The following OR14I1 variants were observed in gnomAD, a reference collection of about 807,000 sequenced individuals.
OR14I1 encodes the protein olfactory receptor 14I1.
For missense variants in OR14I1, 279 were observed against 181.8 expected (o/e 1.53, Z -3.07); for synonymous variants, 118 against 71.1 (o/e 1.66, Z -3.32).
At chr1:248,701,406 A>C in the OR14I1 span, among the ~76,000 whole-genome samples, 1 of 152,162 alleles carries the variant, frequency 6.6e-6, no homozygotes, top group Admixed American at 6.5e-5. Flanking sequence ...CATCCACCTC[A>C]GTCTCCCAAA....
chr1:248,689,094 A>G, the OR14I1 span, among the ~76,000 whole-genome samples: 1 of 152,164 alleles, frequency 6.6e-6, no homozygotes, highest in Non-Finnish European at 1.5e-5. Context: ...GCGGTCCTTT[A>G]CTTTTGAGGC....
chr1:248,692,283 C>T, the OR14I1 span: 1 of 152,906 alleles, frequency 6.5e-6, no homozygotes, highest in Non-Finnish European at 1.5e-5. Flanking sequence ...TCCCGCATTC[C>T]CAGGTTCCTG....
upstream of OR14I1, among the ~76,000 whole-genome samples, chr1:248,685,021 T>C (rs926808751): frequency 6.6e-6 from 1 of 152,120 alleles, no homozygotes; most frequent in Admixed American, 6.5e-5. Flanking sequence ...TTTTTAATAT[T>C]ATTTATACAT....
At chr1:248,691,087 C>G in the OR14I1 span, among the ~76,000 whole-genome samples, 1 of 152,142 alleles carries the variant, frequency 6.6e-6, no homozygotes, top group East Asian at 1.9e-4. Flanking sequence ...TCCATTTATC[C>G]CTTGATGGAT....
the OR14I1 span, among the ~76,000 whole-genome samples, chr1:248,699,891 G>A: frequency 6.6e-6 from 1 of 152,166 alleles, no homozygotes; most frequent in Admixed American, 6.5e-5. Context: ...CCAAGTAGCT[G>A]GGACTACAGG....
the OR14I1 span, among the ~76,000 whole-genome samples, chr1:248,689,736 C>T: frequency 6.6e-6 from 1 of 152,172 alleles, no homozygotes; most frequent in East Asian, 1.9e-4. Flanking sequence ...ACCTAATAGA[C>T]GTCTACAGAA....
At chr1:248,699,428 T>C in the OR14I1 span, among the ~76,000 whole-genome samples, 1 of 152,206 alleles carries the variant, frequency 6.6e-6, no homozygotes, top group African/African-American at 2.4e-5. Context: ...ATTGGGATTT[T>C]AGATGGACTT....
the OR14I1 span, among the ~76,000 whole-genome samples, chr1:248,698,185 T>C: frequency 5.9e-5 from 9 of 152,236 alleles, no homozygotes; most frequent in Non-Finnish European, 1.0e-4. Context: ...TGGATTCTTA[T>C]GTTTCTACTT....
At chr1:248,694,792 G>C in the OR14I1 span, among the ~76,000 whole-genome samples, 2 of 152,176 alleles carry the variant, frequency 1.3e-5, no homozygotes, top group African/African-American at 2.4e-5. Context: ...TTCTCAAAAA[G>C]AAGTATTACT....
upstream of OR14I1, among the ~76,000 whole-genome samples, chr1:248,682,760 C>T (rs1487757249): frequency 6.6e-6 from 1 of 152,098 alleles, no homozygotes; most frequent in African/African-American, 2.4e-5. Flanking sequence ...GGTTATACAT[C>T]CTGGGCAGAG....
the OR14I1 span, among the ~76,000 whole-genome samples, chr1:248,697,875 G>C: frequency 6.6e-6 from 1 of 152,222 alleles, no homozygotes; most frequent in Non-Finnish European, 1.5e-5. Flanking sequence ...GCTCTGGAGA[G>C]AGGCAATGAC....
chr1:248,699,315 T>C, the OR14I1 span, among the ~76,000 whole-genome samples: 1 of 151,982 alleles, frequency 6.6e-6, no homozygotes, highest in Non-Finnish European at 1.5e-5. Flanking sequence ...AGAAAGCAAT[T>C]TAAGAAGAAC....
chr1:248,688,057 A>G, the OR14I1 span, among the ~76,000 whole-genome samples: 10 of 152,238 alleles, frequency 6.6e-5, no homozygotes, highest in Non-Finnish European at 1.2e-4. Flanking sequence ...CAGTTTCCAA[A>G]TATCTATTTT....
chr1:248,680,684 G>T (rs1661544357), downstream of OR14I1, among the ~76,000 whole-genome samples: 1 of 152,130 alleles, frequency 6.6e-6, no homozygotes, highest in Non-Finnish European at 1.5e-5. Flanking sequence ...TAACACAGGT[G>T]TAGAAACTGA....
downstream of OR14I1, among the ~76,000 whole-genome samples, chr1:248,678,454 C>T (rs773472879): frequency 3.2e-4 from 49 of 152,082 alleles, no homozygotes; most frequent in Non-Finnish European, 6.0e-4. Context: ...AATTGGAAGT[C>T]AATTACACGA....
At chr1:248,683,235 A>G (rs566810112), upstream of OR14I1, among the ~76,000 whole-genome samples, 11 of 152,322 alleles carry the variant, frequency 7.2e-5, no homozygotes, top group African/African-American at 2.6e-4. Context: ...AATAACTTTG[A>G]CTAACATAAG....
upstream of OR14I1, among the ~76,000 whole-genome samples, chr1:248,685,231 A>G (rs556084823): frequency 2.6e-5 from 4 of 152,320 alleles, no homozygotes; most frequent in East Asian, 7.7e-4. Context: ...TAAAAAAGTA[A>G]TGGGGACTCA....
At chr1:248,695,885 G>T in the OR14I1 span, among the ~76,000 whole-genome samples, 102 of 152,292 alleles carry the variant, frequency 6.7e-4, 4 homozygotes, top group East Asian at 0.012. Context: ...TGACCTAAAA[G>T]GTTTGGAATG....
the OR14I1 span, among the ~76,000 whole-genome samples, chr1:248,687,521 T>C: frequency 6.6e-6 from 1 of 152,282 alleles, no homozygotes; most frequent in East Asian, 1.9e-4. Context: ...TAGAAGTGAA[T>C]AGAAAAATCT....
Sources: gnomAD v4.1 joint callset for allele counts (sites outside exome capture counted in the v4.1 genomes callset) on GRCh38, gnomAD v4.1.1 for gene constraint, MANE v1.5 for transcripts, NCBI Gene and HGNC (gene_info 2026-07-23, HGNC 2026-07-21) for gene names.